Variants in GALNT13 observed in about 807,000 individuals in gnomAD.
The protein encoded by GALNT13 is polypeptide N-acetylgalactosaminyltransferase 13, also known as UDP-GalNAc:polypeptide N-acetylgalactosaminyltransferase 13.
GALNT13 carries 28 observed loss-of-function variants against 64.2 expected under a neutral mutation model. That is an observed-to-expected ratio of 0.44 (90% CI 0.32 to 0.60). GALNT13 has a LOEUF of 0.60. GALNT13 is among the 20% of genes least tolerant of loss of function. GALNT13 has a pLI of 0.05. For synonymous variants in GALNT13, 214 were observed against 224.6 expected, an observed-to-expected ratio of 0.95 and a Z score of 0.42; for missense variants, 577 against 669.8, an observed-to-expected ratio of 0.86 and a Z score of 1.53.
chr2:153,837,251 A>C, the GALNT13 span, among the ~76,000 whole-genome samples: 1 of 152,106 alleles, frequency 6.6e-6, no homozygotes. Context: ...CATTTCTCTG[A>C]TGGCCAGTGA....
chr2:154,376,144 A>G (rs1330512751), intron 9 of GALNT13, among the ~76,000 whole-genome samples: 4 of 152,224 alleles, frequency 2.6e-5, no homozygotes, highest in Non-Finnish European at 5.9e-5. Flanking sequence ...GAAAATCCAC[A>G]ATAAGCATAG....
intron 10 of GALNT13, among the ~76,000 whole-genome samples, chr2:154,405,923 A>G (rs1322063795): frequency 1.3e-5 from 2 of 152,098 alleles, no homozygotes; most frequent in Admixed American, 6.6e-5. Flanking sequence ...GAGGGGGAAA[A>G]TCCCAGATTG....
chr2:153,207,900 GACA>G, the GALNT13 span, among the ~76,000 whole-genome samples: 1 of 152,110 alleles, frequency 6.6e-6, no homozygotes, highest in Non-Finnish European at 1.5e-5. Flanking sequence ...TAGCAGAAGA[GACA>G]ACCTTTTCTT....
the GALNT13 span, among the ~76,000 whole-genome samples, chr2:153,230,286 G>A: frequency 1.3e-5 from 2 of 152,152 alleles, no homozygotes; most frequent in African/African-American, 4.8e-5. Context: ...AAAGAATATT[G>A]TATATGACTC....
At chr2:153,310,312 T>G in the GALNT13 span, among the ~76,000 whole-genome samples, 2 of 152,200 alleles carry the variant, frequency 1.3e-5, no homozygotes, top group Admixed American at 1.3e-4. Flanking sequence ...GAACCAACCA[T>G]GCATATAAGC....
At chr2:153,272,845 C>T in the GALNT13 span, among the ~76,000 whole-genome samples, 1 of 151,292 alleles carries the variant, frequency 6.6e-6, no homozygotes, top group East Asian at 1.9e-4. Flanking sequence ...TATTCACAAT[C>T]GCAAAGACTT....
At chr2:153,819,012 A>C in the GALNT13 span, among the ~76,000 whole-genome samples, 5 of 151,924 alleles carry the variant, frequency 3.3e-5, no homozygotes, top group Non-Finnish European at 5.9e-5. Context: ...ACACATACAC[A>C]TTCTCCAGCG....
rs578000854 is a variant in GALNT13 at position 154,358,271 on chromosome 2, A to C, written c.1157-37720A>C. 1.5e-4 allele frequency among the ~76,000 whole-genome samples: 23 copies of C among 152,234 alleles called. 2 individuals carry two copies. The highest frequency in any genetic ancestry group is 1.4e-3 in the Admixed American group (21 of 15,276). On this transcript the variant is annotated intron_variant, in intron 9 of 12. Transcript: ENST00000392825. The stretch of plus-strand genomic sequence containing the variant: ...TCTTTTAGCAACACACATCTTAGAA[A>C]GTGTTGTCATTTTTTATAAGGTGAT...
chr2:153,258,163 A>C, the GALNT13 span, among the ~76,000 whole-genome samples: 2 of 152,234 alleles, frequency 1.3e-5, no homozygotes, highest in Non-Finnish European at 2.9e-5. Flanking sequence ...CTATGTAAAA[A>C]ATAATTATTC....
At chr2:154,274,984 G>C (rs1171265641) in intron 8 of GALNT13, among the ~76,000 whole-genome samples, 1 of 152,136 alleles carries the variant, frequency 6.6e-6, no homozygotes, top group Non-Finnish European at 1.5e-5. Context: ...TTGTGAACTG[G>C]AGTAAAGGTC....
intron 4 of GALNT13, among the ~76,000 whole-genome samples, chr2:154,209,649 C>A (rs1479283128): frequency 6.6e-6 from 1 of 152,126 alleles, no homozygotes; most frequent in Non-Finnish European, 1.5e-5. Flanking sequence ...AACATCCAGA[C>A]TTTTAAGAAT....
At chr2:154,305,565 T>G (rs986713598) in intron 9 of GALNT13, among the ~76,000 whole-genome samples, 1 of 152,244 alleles carries the variant, frequency 6.6e-6, no homozygotes, top group Non-Finnish European at 1.5e-5. Context: ...ACTTTTTACA[T>G]GTGGGCTTCT....
the GALNT13 span, among the ~76,000 whole-genome samples, chr2:153,140,736 A>T: frequency 6.6e-6 from 1 of 152,182 alleles, no homozygotes; most frequent in Middle Eastern, 3.4e-3. Context: ...AGGGAAGCTG[A>T]ATACCCAACT....
the GALNT13 span, among the ~76,000 whole-genome samples, chr2:153,661,034 A>T: frequency 4.6e-5 from 7 of 152,046 alleles, no homozygotes; most frequent in Non-Finnish European, 1.0e-4. Context: ...ATAGGGGAAA[A>T]ATTGTTGATG....
chr2:153,088,436 T>G, the GALNT13 span, among the ~76,000 whole-genome samples: 3 of 152,166 alleles, frequency 2.0e-5, no homozygotes, highest in Admixed American at 6.5e-5. Context: ...ATGTGTATTC[T>G]GCAGTTGTTG....
the GALNT13 span, among the ~76,000 whole-genome samples, chr2:153,198,129 C>G: frequency 1.6e-3 from 242 of 152,254 alleles, 3 homozygotes; most frequent in African/African-American, 5.5e-3. Flanking sequence ...TGTGGAGATG[C>G]AGGGGCTGTT....
the GALNT13 span, among the ~76,000 whole-genome samples, chr2:153,196,721 C>T: frequency 6.6e-6 from 1 of 152,136 alleles, no homozygotes; most frequent in African/African-American, 2.4e-5. Context: ...ACTGCTCCCC[C>T]ACTGGTGGGT....
chr2:154,242,061 C>T lies in GALNT13; in HGVS notation c.343C>T (p.Pro115Ser), dbSNP rs1186930425. 1 of 1,607,794 alleles carries T rather than the reference C, an allele frequency of 6.2e-7. No individual in the cohort carries two copies. Among genetic ancestry groups the T allele is most frequent in the Admixed American group, 1.7e-5 (1 of 59,184 alleles). The change falls in exon 5 of 13, where the codon CCA (proline) becomes TCA (serine). Residue 115 changes from proline (P) to serine (S), a missense_variant. By Grantham distance (74) the Pro-to-Ser change is moderately conservative. This residue lies in a region of GALNT13 where 341 missense variants were observed against 379.3 expected (regional missense o/e 0.90). Coordinates refer to ENST00000392825, the MANE Select transcript of GALNT13 (RefSeq NM_052917.4). ...GACAAAAGTCTACCCTGATGAACTTCCAAACACAAGTGTAGTCATTGTGTT... is the reference window on the plus strand; with the variant it reads ...GACAAAAGTCTACCCTGATGAACTTTCAAACACAAGTGTAGTCATTGTGTT... ...CKTKVYPDEL[P>S]NTSVVIVFHN...
the GALNT13 span, among the ~76,000 whole-genome samples, chr2:153,354,697 C>A: frequency 2.0e-5 from 3 of 152,158 alleles, no homozygotes; most frequent in Non-Finnish European, 4.4e-5. Flanking sequence ...ATCAGACCAA[C>A]CCAGCATTTT....
Sources: allele counts gnomAD v4.1 joint callset (sites outside exome capture counted in the v4.1 genomes callset), GRCh38; gene constraint gnomAD v4.1.1; regional missense constraint gnomAD v4.1.1; transcripts MANE v1.5; gene names NCBI Gene and HGNC (gene_info 2026-07-23, HGNC 2026-07-21).